The following CPPED1 variants were observed in gnomAD, a reference collection of about 807,000 sequenced individuals.
CPPED1 encodes the protein calcineurin like phosphoesterase domain containing 1, also known as serine/threonine-protein phosphatase CPPED1.
CPPED1 carries 28 observed loss-of-function variants against 28.0 expected under a neutral mutation model. The ratio of observed to expected loss-of-function variants is 1.00; its 90% CI spans 0.74 to 1.37. CPPED1 has a LOEUF of 1.37. Ranked by LOEUF, CPPED1 falls within the 40% of genes most tolerant of loss-of-function variation. The probability of loss-of-function intolerance (pLI) is 0.00; values close to 1 mark genes in which losing one functional copy is unlikely to be tolerated. For missense variants in CPPED1, 504 were observed against 416.5 expected (o/e 1.21, Z -1.83); for synonymous variants, 198 against 180.2 (o/e 1.10, Z -0.79).
At chr16:12,743,490 A>C (rs77101643) in intron 2 of CPPED1, among the ~76,000 whole-genome samples, 4,285 of 152,336 alleles carry the variant, frequency 0.028, 101 homozygotes, top group Middle Eastern at 0.048. Flanking sequence ...ACTACGTTAA[A>C]ACTTAAAAAT....
intron 1 of CPPED1, among the ~76,000 whole-genome samples, chr16:12,801,988 G>A (rs945076630): frequency 6.6e-6 from 1 of 152,144 alleles, no homozygotes; most frequent in Admixed American, 6.6e-5. Flanking sequence ...ACAGCCAGGC[G>A]AGGCAACCCC....
intron 2 of CPPED1, among the ~76,000 whole-genome samples, chr16:12,762,885 A>G (rs1367044169): frequency 1.3e-5 from 2 of 151,948 alleles, no homozygotes; most frequent in Admixed American, 6.6e-5. Flanking sequence ...CTGGGACTAC[A>G]GGTACACACC....
At chr16:12,742,243 C>G (rs1413197866) in intron 2 of CPPED1, among the ~76,000 whole-genome samples, 1 of 151,924 alleles carries the variant, frequency 6.6e-6, no homozygotes, top group Non-Finnish European at 1.5e-5. Context: ...TAAGCTATTA[C>G]CTAAAGAAAC....
At chr16:12,683,275 C>T (rs903199059) in intron 3 of CPPED1, among the ~76,000 whole-genome samples, 1 of 152,070 alleles carries the variant, frequency 6.6e-6, no homozygotes, top group African/African-American at 2.4e-5. Context: ...TTTTCCTTAC[C>T]CCTGGGCTTC....
intron 2 of CPPED1, among the ~76,000 whole-genome samples, chr16:12,771,748 G>C (rs1234161415): frequency 1.3e-5 from 2 of 152,148 alleles, no homozygotes; most frequent in Non-Finnish European, 2.9e-5. Flanking sequence ...TTTATTCTTT[G>C]CCTGAAGCCC....
At chr16:12,711,045 G>A (rs1326987080) in intron 2 of CPPED1, among the ~76,000 whole-genome samples, 1 of 152,208 alleles carries the variant, frequency 6.6e-6, no homozygotes, top group East Asian at 1.9e-4. Context: ...TATGCTCACA[G>A]TAGCATTATT....
chr16:12,731,341 G>A (rs1202842559), intron 2 of CPPED1, among the ~76,000 whole-genome samples: 1 of 150,236 alleles, frequency 6.7e-6, no homozygotes, highest in Non-Finnish European at 1.5e-5. Flanking sequence ...TGTTAGTAGA[G>A]ACGGGGTTTC....
chr16:12,773,414 C>T (rs569675090), intron 2 of CPPED1, among the ~76,000 whole-genome samples: 3 of 152,188 alleles, frequency 2.0e-5, no homozygotes, highest in Admixed American at 6.6e-5. Flanking sequence ...CACAAGATTA[C>T]ATTTAATACA....
chr16:12,704,320 T>C (rs192046153), intron 3 of CPPED1, among the ~76,000 whole-genome samples: 131 of 152,324 alleles, frequency 8.6e-4, no homozygotes, highest in African/African-American at 3.1e-3. Context: ...TGAGCAGCTA[T>C]GGCACACTGA....
chr16:12,764,702 C>T (rs535664894), intron 2 of CPPED1, among the ~76,000 whole-genome samples: 23 of 152,348 alleles, frequency 1.5e-4, no homozygotes, highest in African/African-American at 4.6e-4. Flanking sequence ...CCAGTTTCAA[C>T]GGAGCCTTCT....
At chr16:12,689,840 G>A (rs2079953104) in intron 3 of CPPED1, among the ~76,000 whole-genome samples, 2 of 152,178 alleles carry the variant, frequency 1.3e-5, no homozygotes, top group African/African-American at 2.4e-5. Flanking sequence ...TGATGCTCCT[G>A]CCAATGTCAA....
chr16:12,763,391 A>G (rs2080421297), intron 2 of CPPED1, among the ~76,000 whole-genome samples: 2 of 152,136 alleles, frequency 1.3e-5, no homozygotes, highest in South Asian at 4.1e-4. Flanking sequence ...ATGTTTTAAT[A>G]CTGATTTTGG....
At chr16:12,774,969 C>T (rs559636859) in intron 2 of CPPED1, among the ~76,000 whole-genome samples, 5 of 152,184 alleles carry the variant, frequency 3.3e-5, no homozygotes, top group South Asian at 2.1e-4. Flanking sequence ...TACAGGTGTG[C>T]ACCACCATGC....
Position 12,746,933 on chromosome 16 carries a change from C to G in CPPED1, c.289+34252G>C, listed in dbSNP as rs572676831. On this transcript the variant is annotated intron_variant, in intron 2 of 3. Coordinates refer to ENST00000381774, the MANE Select transcript of CPPED1 (RefSeq NM_018340.3). Reference sequence around the variant, plus strand: ...GGGCCAGGTGGAACTCAAGTGGGATCAGGAAAAATAATCTAAAAGAAGTGA... The same window carrying G: ...GGGCCAGGTGGAACTCAAGTGGGATGAGGAAAAATAATCTAAAAGAAGTGA... Among the ~76,000 whole-genome samples the G allele has an allele frequency of 3.3e-5, 5 of 151,192 alleles. No homozygotes were observed. In the East Asian group the frequency reaches 7.8e-4, roughly 24 times the overall value.
At chr16:12,793,034 G>A (rs2080606040) in intron 1 of CPPED1, among the ~76,000 whole-genome samples, 1 of 152,122 alleles carries the variant, frequency 6.6e-6, no homozygotes, top group Non-Finnish European at 1.5e-5. Flanking sequence ...CTGCCCTGTA[G>A]GCAGATGCAG....
intron 1 of CPPED1, 88 bp from the exon 2 acceptor site, chr16:12,781,491 T>C: frequency 8.6e-7 from 1 of 1,163,684 alleles, no homozygotes. Context: ...GTGGATACAC[T>C]ATTTTTCTTA....
chr16:12,786,999 C>T (rs549153610), intron 1 of CPPED1, among the ~76,000 whole-genome samples: 14 of 152,292 alleles, frequency 9.2e-5, no homozygotes, highest in African/African-American at 3.4e-4. Context: ...GCACCCATTA[C>T]CAAGTATGAG....
intron 3 of CPPED1, among the ~76,000 whole-genome samples, chr16:12,677,629 A>T (rs2079884407): frequency 6.6e-6 from 1 of 152,220 alleles, no homozygotes; most frequent in African/African-American, 2.4e-5. Context: ...TGGCAGAGCG[A>T]GACTCTGTCT....
chr16:12,719,746 C>A (rs1489197029), intron 2 of CPPED1, among the ~76,000 whole-genome samples: 1 of 152,072 alleles, frequency 6.6e-6, no homozygotes, highest in African/African-American at 2.4e-5. Flanking sequence ...ACCAGCCTGG[C>A]CAACACGGCA....
Sources: gnomAD v4.1 joint callset for allele counts (sites outside exome capture counted in the v4.1 genomes callset) on GRCh38, gnomAD v4.1.1 for gene constraint, MANE v1.5 for transcripts, NCBI Gene and HGNC (gene_info 2026-07-23, HGNC 2026-07-21) for gene names.